Variants in PSTK observed in about 807,000 individuals in gnomAD.
The protein encoded by PSTK is phosphoseryl-tRNA kinase.
Under a neutral mutation model 38.6 loss-of-function variants are expected in PSTK, and 26 were observed. That is an observed-to-expected ratio of 0.67 (90% CI 0.49 to 0.94). The LOEUF is 0.94. PSTK is among the 40% of genes least tolerant of loss of function. The probability of loss-of-function intolerance (pLI) is 0.00; values close to 1 mark genes in which losing one functional copy is unlikely to be tolerated. For synonymous variants in PSTK, 181 were observed against 161.7 expected (o/e 1.12, Z -0.91); for missense variants, 445 against 436.3 (o/e 1.02, Z -0.18).
In PSTK at chr10:122,982,959, T is replaced by C. The variant is rs369539075; in HGVS notation, c.443T>C (p.Leu148Ser). The stretch of plus-strand genomic sequence containing the variant: ...ACTGCTGTTTCTAGACCTTTGTTTT[T>C]GGTTTTGGATGACAATTTTTATTAT... Reference protein sequence around the residue: ...TKTAVSRPLFLVLDDNFYYQS... With the variant: ...TKTAVSRPLFSVLDDNFYYQS... Residue 148 changes from leucine to serine, a missense_variant, in exon 2 of 6, where the codon TTG (leucine) becomes TCG (serine). Physicochemically the swap from Leu to Ser is moderately radical, Grantham distance 145 (BLOSUM62 -2). Transcript: ENST00000406217. 1.1e-5 allele frequency: 17 copies of C among 1,614,088 alleles called. No homozygotes were observed. Among genetic ancestry groups the C allele is most frequent in the Non-Finnish European group, 1.3e-5 (15 of 1,180,024 alleles).
intron 5 of PSTK, among the ~76,000 whole-genome samples, chr10:122,989,042 G>T (rs79144195): frequency 1.8e-4 from 28 of 152,094 alleles, no homozygotes; most frequent in African/African-American, 6.7e-4. Flanking sequence ...TATACAATGT[G>T]GAATAACCTT....
chr10:122,987,378 G>GT, intron 5 of PSTK: 1 of 1,614,142 alleles, frequency 6.2e-7, no homozygotes, highest in South Asian at 1.1e-5. Context: ...GCAAAGATGG[G>GT]TAAGAGCGAA....
chr10:122,980,431 G>A lies in PSTK; in HGVS notation c.-49G>A, dbSNP rs781298470. Reference sequence around the variant, plus strand: ...CGCTGCGCGTGCGCGCAGGGCAGACGGTAGAGCGGAGACGACGCTCCCAGA... The same window carrying A: ...CGCTGCGCGTGCGCGCAGGGCAGACAGTAGAGCGGAGACGACGCTCCCAGA... On this transcript the variant is annotated 5_prime_UTR_variant, in exon 1 of 6. Coordinates refer to ENST00000406217, the MANE Select transcript of PSTK (RefSeq NM_001363531.2). This position sits in a 1 kb window ranked among gnomAD's most constrained non-coding sequence, Gnocchi z 4.3. The A allele has an allele frequency of 9.3e-6, 14 of 1,511,472 alleles. No individual in the cohort carries two copies. Among genetic ancestry groups the A allele is most frequent in the South Asian group, 3.6e-5 (3 of 82,652 alleles). The allele number at this position is 1,511,472 out of a possible 1,614,324, so 93.6% of individuals were successfully genotyped here. A position where few individuals can be genotyped will look rare whatever the true frequency, so the allele number is the denominator to read the frequency against.
At position 122,980,424 on chromosome 10, in the gene PSTK, G is replaced by A. The variant is rs371767758; in HGVS notation, c.-56G>A. 903 of 1,487,590 alleles carry A rather than the reference G, an allele frequency of 6.1e-4. 5 individuals are homozygous for A. The East Asian group carries it at 9.4e-3, about 15-fold the overall frequency. The allele number at this position is 1,487,590 out of a possible 1,614,324, so 92.1% of individuals were successfully genotyped here. On this transcript the variant is annotated 5_prime_UTR_variant, in exon 1 of 6. Transcript: ENST00000406217. This position sits in a 1 kb window ranked among gnomAD's most constrained non-coding sequence, Gnocchi z 4.3. ...GCGGAGACGCTGCGCGTGCGCGCAG[G>A]GCAGACGGTAGAGCGGAGACGACGC...
chr10:122,982,937 G>C lies in PSTK; in HGVS notation c.421G>C (p.Ala141Pro), dbSNP rs774095841. The C allele has an allele frequency of 4.6e-5, 75 of 1,613,940 alleles. No homozygotes were observed. The highest frequency in any genetic ancestry group is 6.1e-5 in the Non-Finnish European group (72 of 1,179,938). The change falls in exon 2 of 6, where the codon GCT becomes CCT. Residue 141 changes from alanine (A) to proline (P), a missense_variant. Transcript: ENST00000406217. ...AQSCYLLTKTAVSRPLFLVLD... is the reference protein window; with the variant it reads ...AQSCYLLTKTPVSRPLFLVLD... ...GTCTTGCTACCTCTTAACAAAAACT[G>C]CTGTTTCTAGACCTTTGTTTTTGGT... is the stretch of plus-strand genomic sequence containing the variant.
rs1849115217 is a variant in PSTK at position 122,990,313 on chromosome 10, TTC to T, written c.1019_1020del (p.Ser340PhefsTer5). The part of the protein sequence containing the change: ...QQTIDIPDVI[S>X]FFHYEKDNIV... ...AAACCATTGACATACCAGATGTCAT[TTC>T]TTTTTTTCATTATGAGAAAGATAAT... On this transcript the variant is annotated frameshift_variant, in exon 6 of 6. Coordinates refer to ENST00000406217, the MANE Select transcript of PSTK (RefSeq NM_001363531.2). LOFTEE classifies it high-confidence loss of function. The T allele has an allele frequency of 6.6e-6, 10 of 1,521,860 alleles. No individual in the cohort carries two copies. The highest frequency in any genetic ancestry group is 1.3e-5 in the South Asian group (1 of 78,084). The allele number at this position is 1,521,860 out of a possible 1,614,324, so 94.3% of individuals were successfully genotyped here.
chr10:122,987,142 C>A (rs990583890), intron 5 of PSTK, among the ~76,000 whole-genome samples, 180 bp downstream of exon 5: 1 of 152,172 alleles, frequency 6.6e-6, no homozygotes, highest in Non-Finnish European at 1.5e-5. Flanking sequence ...GAGTGTTCAT[C>A]CATCCAACAA....
Position 122,982,819 on chromosome 10 carries a change from T to G in PSTK, c.303T>G (p.Ser101=). ...CTGTCATTAATGGGTGTCAGATGTC[T>G]GTCCCACCCAACAGGACTGAAGCCA... ...LMAVINGCQM[S]VPPNRTEAMW... The change falls in exon 2 of 6, where the codon TCT becomes TCG. Residue 101 remains serine (S), a synonymous_variant. Coordinates refer to ENST00000406217, the MANE Select transcript of PSTK (RefSeq NM_001363531.2). 6.2e-7 allele frequency: 1 copy of G among 1,614,178 alleles called. No homozygotes were observed.
chr10:122,986,347 A>T lies in PSTK; in HGVS notation c.755A>T (p.Lys252Ile). 3 of 1,612,286 alleles carry T rather than the reference A, an allele frequency of 1.9e-6. No homozygotes were observed. Among genetic ancestry groups the T allele is most frequent in the Non-Finnish European group, 2.5e-6 (3 of 1,178,480 alleles). Residue 252 changes from lysine (K) to isoleucine (I), a missense_variant, in exon 4 of 6, where the codon AAA becomes ATA. Transcript: ENST00000406217. ...LLLTALENPVKYAEDNMEQKD... is the reference protein window; with the variant it reads ...LLLTALENPVIYAEDNMEQKD... ...CTCACTGCTTTGGAAAATCCAGTAA[A>T]ATATGCTGAGGACAATATGGAACAA...
At chr10:122,985,413 T>C (rs1243352365) in intron 3 of PSTK, 4 of 152,286 alleles carry the variant, frequency 2.6e-5, no homozygotes, top group African/African-American at 4.8e-5. Context: ...TTTATTTAAC[T>C]GTTTATCTGT....
chr10:122,987,293 G>A (rs771751192), intron 5 of PSTK: 21 of 1,577,372 alleles, frequency 1.3e-5, no homozygotes, highest in Non-Finnish European at 1.8e-5. Context: ...ATTTAAGTAA[G>A]GTAAGGCAGT....
intron 3 of PSTK, chr10:122,984,628 G>A (rs1286572737): frequency 6.6e-6 from 1 of 152,224 alleles, no homozygotes; most frequent in East Asian, 1.9e-4. Context: ...AAGAAGGGAG[G>A]ATCACTTGAA....
At position 122,980,607 on chromosome 10, in the gene PSTK, A is replaced by G. The variant is rs1220760142; in HGVS notation, c.128A>G (p.Gln43Arg). 1.2e-6 allele frequency: 2 copies of G among 1,612,112 alleles called. No homozygotes were observed. The highest frequency in any genetic ancestry group is 4.5e-5 in the East Asian group (2 of 44,814). Reference sequence around the variant, plus strand: ...GCGCGCGCCCTCGCCCACCGGCTGCAGCAGGAGCAGGGTTGGGCCATCGGT... The same window carrying G: ...GCGCGCGCCCTCGCCCACCGGCTGCGGCAGGAGCAGGGTTGGGCCATCGGT... ...TFARALAHRL[Q>R]QEQGWAIGVV... Residue 43 changes from glutamine (Q) to arginine (R), a missense_variant, in exon 1 of 6, where the codon CAG (glutamine) becomes CGG (arginine). Gln to Arg is a conservative substitution (Grantham distance 43). Transcript: ENST00000406217. The surrounding 1 kb of genome is among the most constrained non-coding windows in gnomAD (Gnocchi z 4.3).
chr10:122,986,370 CA>C lies in PSTK; in HGVS notation c.782del (p.Lys261ArgfsTer28). 1 of 1,602,726 alleles carries C rather than the reference CA, an allele frequency of 6.2e-7. No homozygotes were observed. The highest frequency in any genetic ancestry group is 8.5e-7 in the Non-Finnish European group (1 of 1,169,884). On this transcript the variant is annotated frameshift_variant, in exon 4 of 6. Coordinates refer to ENST00000406217, the MANE Select transcript of PSTK (RefSeq NM_001363531.2). LOFTEE classifies it high-confidence loss of function. ...AAAATATGCTGAGGACAATATGGAA[CA>C]AAAGGTAAACTTCCAGTGTAAATTT... ...PVKYAEDNME[Q>X]KDTDRIICST...
At chr10:122,987,619 G>T in intron 5 of PSTK, 1 of 1,410,936 alleles carries the variant, frequency 7.1e-7, no homozygotes, top group Non-Finnish European at 9.4e-7. Context: ...GTGGTAACTA[G>T]AGTTTTACAC....
chr10:122,989,196 C>CGG (rs1262999154), intron 5 of PSTK, among the ~76,000 whole-genome samples: 1 of 16,134 alleles, frequency 6.2e-5, no homozygotes, highest in Non-Finnish European at 1.3e-4. Context: ...GGGGGGTGGG[C>CGG]GGGGTGGGCA....
At chr10:122,987,412 T>G in intron 5 of PSTK, 1 of 1,614,186 alleles carries the variant, frequency 6.2e-7, no homozygotes, top group Admixed American at 1.7e-5. Context: ...TGGAGGATCA[T>G]TCTAGGCAAT....
intron 3 of PSTK, chr10:122,986,082 G>A (rs573351069): frequency 4.3e-5 from 12 of 277,224 alleles, no homozygotes; most frequent in South Asian, 3.4e-4. Context: ...TTAGCTGGGC[G>A]TGGTGGTGGG....
rs771040884 is a variant in PSTK, at chr10:122,983,444, G to A, written c.681G>A (p.Pro227=). The A allele has an allele frequency of 7.4e-6, 12 of 1,613,454 alleles. No individual in the cohort carries two copies. Among genetic ancestry groups the A allele is most frequent in the South Asian group, 2.2e-5 (2 of 91,050 alleles). ...NAWEHNSLTI[P]SPACASEASL... ...GGGAACACAACAGCCTCACAATTCC[G>A]AGTCCAGCATGTGCTTCGGAGGCCA... Residue 227 remains proline (P), a synonymous_variant, in exon 3 of 6, where the codon CCG becomes CCA. Transcript: ENST00000406217.
Sources: allele counts gnomAD v4.1 joint callset (sites outside exome capture counted in the v4.1 genomes callset), GRCh38; gene constraint gnomAD v4.1.1; non-coding constraint Gnocchi (gnomAD v3.1); transcripts MANE v1.5; gene names NCBI Gene and HGNC (gene_info 2026-07-23, HGNC 2026-07-21).